Variants in IDE observed in about 807,000 individuals in gnomAD.
IDE encodes the protein insulin-degrading enzyme.
IDE carries 58 observed loss-of-function variants against 133.2 expected under a neutral mutation model. The observed-to-expected ratio is 0.44, with a 90% CI of 0.35 to 0.54. IDE has a LOEUF of 0.54. IDE is among the 20% of genes least tolerant of loss of function. IDE has a pLI of 0.00. For missense variants in IDE, 981 were observed against 1,234.0 expected (o/e 0.79, Z 3.07); for synonymous variants, 396 against 421.3 (o/e 0.94, Z 0.73).
intron 1 of IDE, among the ~76,000 whole-genome samples, chr10:92,562,809 G>T (rs1368447946): frequency 6.6e-6 from 1 of 152,228 alleles, no homozygotes; most frequent in Non-Finnish European, 1.5e-5. Context: ...ATTATTTCTT[G>T]TTTTAAAAGC....
Position 92,556,556 on chromosome 10 carries a change from G to A in IDE, c.98+17366C>T, listed in dbSNP as rs189251119. ...GGTGATCACCTGAGGTCAGGAGTTCGAGACCAGCCTGGCCAACATGGTGAA... is the reference window on the plus strand; with the variant it reads ...GGTGATCACCTGAGGTCAGGAGTTCAAGACCAGCCTGGCCAACATGGTGAA... On this transcript the variant is annotated intron_variant, in intron 1 of 24. Transcript: ENST00000265986. 1.2e-4 allele frequency among the ~76,000 whole-genome samples: 18 copies of A among 152,140 alleles called. No individual in the cohort carries two copies. The East Asian group carries it at 3.5e-3, about 29-fold the overall frequency.
At chr10:92,493,152 T>C (rs1207980782) in intron 11 of IDE, among the ~76,000 whole-genome samples, 1 of 152,096 alleles carries the variant, frequency 6.6e-6, no homozygotes, top group Non-Finnish European at 1.5e-5. Flanking sequence ...CCGTTTGAGG[T>C]GTATGTGTAG....
intron 5 of IDE, among the ~76,000 whole-genome samples, chr10:92,512,682 C>CT (rs968839556): frequency 1.6e-3 from 246 of 150,830 alleles, no homozygotes; most frequent in African/African-American, 4.5e-3. Flanking sequence ...ACAGAGTATG[C>CT]TTTTTTTTTA....
rs749245043 is a variant in IDE at position 92,531,761 on chromosome 10, A to C, written c.648T>G (p.Ser216Arg). 3.8e-6 allele frequency: 6 copies of C among 1,581,408 alleles called. No individual in the cohort carries two copies. In the South Asian group the frequency reaches 7.1e-5, roughly 19 times the overall value. Residue 216 changes from serine to arginine, a missense_variant, in exon 4 of 25, where the codon AGT becomes AGG. Transcript: ENST00000265986. ...KATGNPKHPF[S>R]KFGTGNKYTL... ...CTGTTGACAAACCTGTCCCAAATTT[A>C]CTGAAGGGGTGTTTAGGATTCCCTG... is the stretch of plus-strand genomic sequence containing the variant.
intron 1 of IDE, among the ~76,000 whole-genome samples, chr10:92,543,509 G>A (rs1234757195): frequency 6.6e-6 from 1 of 152,134 alleles, no homozygotes; most frequent in Non-Finnish European, 1.5e-5. Context: ...ATAAAGTTGG[G>A]TACAAAATAA....
chr10:92,476,844 A>AT (rs1564606427), intron 15 of IDE, among the ~76,000 whole-genome samples: 1 of 152,242 alleles, frequency 6.6e-6, no homozygotes, highest in Non-Finnish European at 1.5e-5. Context: ...AGGTAAGAAG[A>AT]TAAAAATCAC....
chr10:92,558,136 T>C (rs1330808859), intron 1 of IDE, among the ~76,000 whole-genome samples: 1 of 152,186 alleles, frequency 6.6e-6, no homozygotes, highest in African/African-American at 2.4e-5. Context: ...CACCGCAACG[T>C]CCACCTCCCG....
At chr10:92,515,239 G>A (rs887455936) in intron 4 of IDE, among the ~76,000 whole-genome samples, 197 bp from the exon 5 acceptor site, 18 of 151,178 alleles carry the variant, frequency 1.2e-4, no homozygotes, top group Admixed American at 1.3e-4. Flanking sequence ...AACTATAGTC[G>A]TCTCTACGGA....
At chr10:92,489,514 G>A (rs1251077742) in intron 12 of IDE, among the ~76,000 whole-genome samples, 4 of 151,822 alleles carry the variant, frequency 2.6e-5, no homozygotes, top group African/African-American at 4.8e-5. Context: ...GTGACACAGC[G>A]AGATTCCATC....
chr10:92,492,533 C>T (rs1249037152), intron 11 of IDE, among the ~76,000 whole-genome samples: 1 of 152,170 alleles, frequency 6.6e-6, no homozygotes, highest in Non-Finnish European at 1.5e-5. Context: ...GGAATTCTAG[C>T]CAATTAGCTT....
At chr10:92,466,047 A>G (rs1845664150) in intron 19 of IDE, among the ~76,000 whole-genome samples, 1 of 152,000 alleles carries the variant, frequency 6.6e-6, no homozygotes, top group Non-Finnish European at 1.5e-5. Flanking sequence ...CTAATTATAA[A>G]TTGGCAGCAC....
chr10:92,510,980 G>A (rs1848593856), intron 5 of IDE, among the ~76,000 whole-genome samples: 1 of 150,186 alleles, frequency 6.7e-6, no homozygotes, highest in Non-Finnish European at 1.5e-5. Flanking sequence ...AGCAGTCATA[G>A]GATGGAATAA....
At chr10:92,523,909 G>C (rs1849368333) in intron 4 of IDE, among the ~76,000 whole-genome samples, 1 of 151,924 alleles carries the variant, frequency 6.6e-6, no homozygotes, top group Non-Finnish European at 1.5e-5. Context: ...TATGTTTGGA[G>C]AAACAGATCA....
chr10:92,528,418 T>C (rs185016571), intron 4 of IDE, among the ~76,000 whole-genome samples: 9 of 151,576 alleles, frequency 5.9e-5, no homozygotes, highest in Admixed American at 2.6e-4. Flanking sequence ...CATTATATTG[T>C]AATTAAATGC....
intron 11 of IDE, among the ~76,000 whole-genome samples, chr10:92,504,331 T>G (rs1376909491): frequency 5.3e-5 from 8 of 152,136 alleles, no homozygotes; most frequent in Admixed American, 5.2e-4. Context: ...ACTTTTGATT[T>G]CCAGGTTAAC....
chr10:92,478,575 A>T (rs1846416827), intron 15 of IDE: 3 of 909,702 alleles, frequency 3.3e-6, no homozygotes, highest in Non-Finnish European at 4.1e-6. Flanking sequence ...TGCGAAGTTA[A>T]TAGTTTTCCC....
rs1321361181 is a variant in IDE at position 92,515,023 on chromosome 10, C to T, written c.681G>A (p.Glu227=). Residue 227 remains glutamate, a synonymous_variant, in exon 5 of 25, where the codon GAG becomes GAA. Coordinates refer to ENST00000265986, the MANE Select transcript of IDE (RefSeq NM_004969.4). Reference sequence around the variant, plus strand: ...CAATGCCTTCTTGGTTTGGTCTAGTCTCCAGAGTATATTTGTTACCTGGAA... The same window carrying T: ...CAATGCCTTCTTGGTTTGGTCTAGTTTCCAGAGTATATTTGTTACCTGGAA... ...KFGTGNKYTL[E]TRPNQEGIDV... is the part of the protein sequence containing the mutation. 1 of 1,608,078 alleles carries T rather than the reference C, an allele frequency of 6.2e-7. No individual in the cohort carries two copies. Among genetic ancestry groups the T allele is most frequent in the Non-Finnish European group, 8.5e-7 (1 of 1,177,148 alleles).
At chr10:92,478,499 T>C in intron 15 of IDE, 1 of 292,624 alleles carries the variant, frequency 3.4e-6, no homozygotes, top group Non-Finnish European at 5.7e-6. Flanking sequence ...GAACTAACAC[T>C]AATTTGAGTT....
At chr10:92,459,820 A>G (rs1262716814) in intron 22 of IDE, among the ~76,000 whole-genome samples, 4 of 139,976 alleles carry the variant, frequency 2.9e-5, no homozygotes, top group African/African-American at 1.1e-4. Flanking sequence ...GATGGTGTGA[A>G]CCTCTTTTTT....
Sources: gnomAD v4.1 joint callset for allele counts (sites outside exome capture counted in the v4.1 genomes callset) on GRCh38, gnomAD v4.1.1 for gene constraint, MANE v1.5 for transcripts, NCBI Gene and HGNC (gene_info 2026-07-23, HGNC 2026-07-21) for gene names.